The following PARD3B variants were observed in gnomAD, a reference collection of about 807,000 sequenced individuals.
PARD3B encodes the protein partitioning defective 3 homolog B.
A neutral mutation model predicts 130.2 loss-of-function variants in PARD3B; 103 were observed. The observed-to-expected ratio is 0.79, with a 90% CI of 0.67 to 0.93. The LOEUF is 0.93. PARD3B is among the 40% of genes least tolerant of loss of function. PARD3B has a pLI of 0.00. For missense variants in PARD3B, 1,609 were observed against 1,499.2 expected, an observed-to-expected ratio of 1.07 and a Z score of -1.21; for synonymous variants, 583 against 553.2, an observed-to-expected ratio of 1.05 and a Z score of -0.76.
At chr2:204,728,996 A>G (rs1311418025) in intron 2 of PARD3B, among the ~76,000 whole-genome samples, 2 of 152,150 alleles carry the variant, frequency 1.3e-5, no homozygotes, top group South Asian at 4.1e-4. Flanking sequence ...TTATTTCAGA[A>G]CAAGCTGACA....
chr2:205,564,298 T>G lies in PARD3B; in HGVS notation c.3260+10895T>G, dbSNP rs1339114118. ...CTGATCCCACCCTAAATCACTGCAG[T>G]GTATATTAAAATGAGCATTTCAATG... On this transcript the variant is annotated intron_variant, in intron 22 of 22. Coordinates refer to ENST00000406610, the MANE Select transcript of PARD3B (RefSeq NM_001302769.2). The surrounding 1 kb of genome is among the most constrained non-coding windows in gnomAD (Gnocchi z 4.6). 6.6e-6 allele frequency among the ~76,000 whole-genome samples: 1 copy of G among 152,102 alleles called. No homozygotes were observed. The highest frequency in any genetic ancestry group is 2.4e-5 in the African/African-American group (1 of 41,414).
At chr2:204,984,667 T>C (rs1275150142) in intron 3 of PARD3B, among the ~76,000 whole-genome samples, 1 of 152,152 alleles carries the variant, frequency 6.6e-6, no homozygotes, top group East Asian at 1.9e-4. Flanking sequence ...AGGAGGGGCT[T>C]TCTCCTCTTT....
At chr2:204,745,829 A>G in intron 2 of PARD3B, among the ~76,000 whole-genome samples, 1 of 152,092 alleles carries the variant, frequency 6.6e-6, no homozygotes, top group East Asian at 1.9e-4. Context: ...TCTAAGGCCT[A>G]GCACTATTCA....
chr2:204,933,626 C>T (rs1688192425), intron 2 of PARD3B, among the ~76,000 whole-genome samples: 1 of 152,132 alleles, frequency 6.6e-6, no homozygotes, highest in Non-Finnish European at 1.5e-5. Flanking sequence ...TGTGCATGGA[C>T]TTCTAAACCA....
At chr2:205,046,346 G>A (rs1369586586) in intron 3 of PARD3B, among the ~76,000 whole-genome samples, 1 of 151,942 alleles carries the variant, frequency 6.6e-6, no homozygotes, top group African/African-American at 2.4e-5. Flanking sequence ...TGGGATGGAG[G>A]TGGAGGGATG....
chr2:205,345,544 C>G (rs2043720106), intron 18 of PARD3B, among the ~76,000 whole-genome samples: 1 of 151,876 alleles, frequency 6.6e-6, no homozygotes, highest in Non-Finnish European at 1.5e-5. Context: ...GGTAGCATGT[C>G]CTGAACTCCA....
At chr2:205,567,378 G>C (rs1465953022) in intron 22 of PARD3B, among the ~76,000 whole-genome samples, 1 of 120,822 alleles carries the variant, frequency 8.3e-6, no homozygotes, top group African/African-American at 3.1e-5. Flanking sequence ...GCAGTGGCAC[G>C]ATCTCGGCTC....
intron 2 of PARD3B, among the ~76,000 whole-genome samples, chr2:204,911,755 G>T (rs2047244871): frequency 6.6e-6 from 1 of 152,108 alleles, no homozygotes; most frequent in Non-Finnish European, 1.5e-5. Context: ...TGCAGATTTA[G>T]GTCAACAAAA....
At position 205,562,564 on chromosome 2, in the gene PARD3B, G is replaced by A. The variant is rs116645069; in HGVS notation, c.3260+9161G>A. 0.018 allele frequency among the ~76,000 whole-genome samples: 2,789 copies of A among 152,194 alleles called. 79 individuals are homozygous for A. The highest frequency in any genetic ancestry group is 0.061 in the African/African-American group (2,512 of 41,518). ...TCTATTAAGCTTGGTAAGCTGACTT[G>A]CATGTTTTCCCTCCTGCACATATTA... On this transcript the variant is annotated intron_variant, in intron 22 of 22. Transcript: ENST00000406610. The surrounding 1 kb of genome is among the most constrained non-coding windows in gnomAD (Gnocchi z 5.4).
intron 15 of PARD3B, among the ~76,000 whole-genome samples, chr2:205,202,625 A>G (rs1184904776): frequency 6.6e-6 from 1 of 152,182 alleles, no homozygotes; most frequent in Non-Finnish European, 1.5e-5. Context: ...TTTATAAGTT[A>G]TTGAATGAGT....
chr2:204,924,924 A>C (rs529021767), intron 2 of PARD3B, among the ~76,000 whole-genome samples: 1 of 152,236 alleles, frequency 6.6e-6, no homozygotes, highest in East Asian at 1.9e-4. Flanking sequence ...GAAAGAGAAG[A>C]AGAAATTCTG....
At chr2:205,593,499 G>T (rs1219221417) in intron 22 of PARD3B, among the ~76,000 whole-genome samples, 3 of 152,154 alleles carry the variant, frequency 2.0e-5, no homozygotes, top group African/African-American at 7.2e-5. Flanking sequence ...AAATTAATTT[G>T]CTAAGTAGAA....
intron 2 of PARD3B, among the ~76,000 whole-genome samples, chr2:204,715,515 A>G (rs528023192): frequency 2.1e-5 from 3 of 146,174 alleles, no homozygotes; most frequent in East Asian, 2.0e-4. Context: ...GCTGTTGACT[A>G]TGCAACTGAG....
In PARD3B at chr2:204,669,866, A is replaced by G. The variant is rs1045339036; in HGVS notation, c.121-16315A>G. 1.3e-5 allele frequency among the ~76,000 whole-genome samples: 2 copies of G among 152,184 alleles called. No homozygotes were observed. The highest frequency in any genetic ancestry group is 6.5e-5 in the Admixed American group (1 of 15,268). On this transcript the variant is annotated intron_variant, in intron 1 of 22. Transcript: ENST00000406610. This position sits in a 1 kb window ranked among gnomAD's most constrained non-coding sequence, Gnocchi z 4.3. ...TGCTGTTTTAGATGACAGAATAAAC[A>G]TAGTCATTTATTAAAGATAAAGGTA...
intron 10 of PARD3B, among the ~76,000 whole-genome samples, chr2:205,134,040 C>G (rs2032254524): frequency 6.6e-6 from 1 of 152,132 alleles, no homozygotes; most frequent in Non-Finnish European, 1.5e-5. Context: ...CCATTGACCC[C>G]ATTACATGGA....
At chr2:204,736,328 T>C (rs1476949623) in intron 2 of PARD3B, among the ~76,000 whole-genome samples, 1 of 152,194 alleles carries the variant, frequency 6.6e-6, no homozygotes, top group Non-Finnish European at 1.5e-5. Flanking sequence ...TTTTGTTACA[T>C]AGATGAATCC....
In PARD3B at chr2:204,669,402, A is replaced by G. The variant is rs925111902; in HGVS notation, c.121-16779A>G. The stretch of plus-strand genomic sequence containing the variant: ...TGATTATATCCACTTTTATCAATAT[A>G]TAATTATTATCTAAGTACATTTTGG... On this transcript the variant is annotated intron_variant, in intron 1 of 22. Coordinates refer to ENST00000406610, the MANE Select transcript of PARD3B (RefSeq NM_001302769.2). The surrounding 1 kb of genome is among the most constrained non-coding windows in gnomAD (Gnocchi z 4.3). 2.0e-5 allele frequency among the ~76,000 whole-genome samples: 3 copies of G among 152,174 alleles called. No individual in the cohort carries two copies. In the East Asian group the frequency reaches 5.8e-4, roughly 29 times the overall value.
intron 22 of PARD3B, among the ~76,000 whole-genome samples, chr2:205,603,273 TG>T (rs2105764679): frequency 1.3e-5 from 2 of 152,296 alleles, no homozygotes; most frequent in Admixed American, 1.3e-4. Context: ...CTTCCAGTTA[TG>T]TGATCAATTT....
chr2:205,017,222 G>A (rs961188272), intron 3 of PARD3B, among the ~76,000 whole-genome samples: 4 of 152,098 alleles, frequency 2.6e-5, no homozygotes, highest in Non-Finnish European at 1.5e-5. Context: ...AGGGGAGTTG[G>A]ACCAGTGCCA....
Sources: gnomAD v4.1 joint callset for allele counts (sites outside exome capture counted in the v4.1 genomes callset) on GRCh38, gnomAD v4.1.1 for gene constraint, Gnocchi (gnomAD v3.1) non-coding constraint, MANE v1.5 for transcripts, NCBI Gene and HGNC (gene_info 2026-07-23, HGNC 2026-07-21) for gene names.